RP1: variants seen among roughly 807,000 people sequenced by gnomAD.
RP1 encodes oxygen-regulated protein 1.
In RP1, 16 loss-of-function variants were observed where a neutral mutation model predicts 14.8. The ratio of observed to expected loss-of-function variants is 1.08; its 90% confidence interval spans 0.73 to 1.65. The LOEUF (loss-of-function observed/expected upper bound fraction) is 1.65, where lower values mean the gene tolerates loss of function less well. Ranked by LOEUF, RP1 falls within the 40% of genes most tolerant of loss-of-function variation. The pLI, the probability that RP1 is intolerant of heterozygous loss-of-function variation, is 0.00. For missense variants in RP1, 2,631 were observed against 2,535.0 expected, an observed-to-expected ratio of 1.04 and a Z score of -0.81; for synonymous variants, 876 against 883.6, an observed-to-expected ratio of 0.99 and a Z score of 0.15.
chr8:54,679,629 T>A lies in RP1; in HGVS notation c.1587+2T>A, dbSNP rs1300923246. Reference sequence around the variant, plus strand: ...TTGGAACTTAAGAGAAAAGAAACAGTAAGATTTTGTTTGGGCTTTAGATTA... The same window carrying A: ...TTGGAACTTAAGAGAAAAGAAACAGAAAGATTTTGTTTGGGCTTTAGATTA... On this transcript the variant is annotated splice_donor_variant, in intron 11 of 22. Transcript: ENST00000636932. LOFTEE classifies it high-confidence loss of function. 6.5e-7 allele frequency: 1 copy of A among 1,535,848 alleles called. No homozygotes were observed. Among genetic ancestry groups the A allele is most frequent in the East Asian group, 2.4e-5 (1 of 40,894 alleles).
intron 1 of RP1, among the ~76,000 whole-genome samples, chr8:54,618,404 C>G (rs1200574085): frequency 6.6e-6 from 1 of 152,140 alleles, no homozygotes; most frequent in Non-Finnish European, 1.5e-5. Flanking sequence ...AAATTCTTAG[C>G]ATATTGGCTC....
chr8:54,601,008 G>A (rs1309872177), intron 1 of RP1, among the ~76,000 whole-genome samples: 1 of 152,124 alleles, frequency 6.6e-6, no homozygotes, highest in East Asian at 1.9e-4. Context: ...GGGGTTTTCG[G>A]TTGTACTTAG....
chr8:54,824,958 T>A (rs796629314), intron 24 of RP1, among the ~76,000 whole-genome samples: 3 of 72,378 alleles, frequency 4.1e-5, no homozygotes, highest in Admixed American at 1.2e-4. Context: ...TTCTTTTTCT[T>A]TCTTTTTTTT....
chr8:54,796,428 A>T (rs1810578445), intron 24 of RP1, among the ~76,000 whole-genome samples: 2 of 152,200 alleles, frequency 1.3e-5, no homozygotes, highest in African/African-American at 4.8e-5. Flanking sequence ...ATATGTTGAA[A>T]TCCTTGATAC....
At chr8:54,752,042 T>C (rs1320192121) in intron 19 of RP1, among the ~76,000 whole-genome samples, 3 of 152,198 alleles carry the variant, frequency 2.0e-5, no homozygotes, top group African/African-American at 7.2e-5. Flanking sequence ...GAAGAACCTG[T>C]TGAAGTTTTA....
At chr8:54,648,936 C>G (rs1806602086) in intron 3 of RP1, 1 of 1,366,190 alleles carries the variant, frequency 7.3e-7, no homozygotes, top group African/African-American at 1.5e-5. Context: ...TCTGAGTCTT[C>G]CATTTCTATC....
At chr8:54,594,898 A>G (rs945159626) in intron 1 of RP1, among the ~76,000 whole-genome samples, 3 of 152,178 alleles carry the variant, frequency 2.0e-5, no homozygotes, top group Non-Finnish European at 2.9e-5. Flanking sequence ...AGAATTTGTG[A>G]TGATAGCATA....
chr8:54,570,144 A>T (rs1189368946), intron 1 of RP1, among the ~76,000 whole-genome samples: 1 of 152,002 alleles, frequency 6.6e-6, no homozygotes, highest in African/African-American at 2.4e-5. Flanking sequence ...CTGCAGCCCG[A>T]TGTTGCAGCC....
intron 1 of RP1, among the ~76,000 whole-genome samples, chr8:54,610,345 G>T (rs1805562518): frequency 6.6e-6 from 1 of 152,128 alleles, no homozygotes; most frequent in African/African-American, 2.4e-5. Flanking sequence ...TATCTTTGCA[G>T]TGCTTTGGGA....
intron 27 of RP1, among the ~76,000 whole-genome samples, chr8:54,862,333 A>T (rs528261595): frequency 6.6e-6 from 1 of 152,232 alleles, no homozygotes; most frequent in East Asian, 1.9e-4. Flanking sequence ...GGTACACTTA[A>T]TTTTTGCCTT....
chr8:54,792,303 C>A (rs1479055077), intron 24 of RP1, among the ~76,000 whole-genome samples: 2 of 151,832 alleles, frequency 1.3e-5, no homozygotes, highest in Admixed American at 1.3e-4. Context: ...ACGGATAGAT[C>A]ATCCAGATAG....
At chr8:54,679,750 T>C in intron 11 of RP1, 1 of 1,527,540 alleles carries the variant, frequency 6.5e-7, no homozygotes, top group African/African-American at 1.4e-5. Context: ...TTTCTTCTCT[T>C]TGTTTCTTCT....
At chr8:54,673,126 A>T (rs1807214639) in intron 7 of RP1, among the ~76,000 whole-genome samples, 1 of 152,208 alleles carries the variant, frequency 6.6e-6, no homozygotes, top group South Asian at 2.1e-4. Flanking sequence ...TATGTGTCAG[A>T]GGAGCTGAGC....
chr8:54,754,736 T>C, intron 19 of RP1: 1 of 1,429,106 alleles, frequency 7.0e-7, no homozygotes, highest in Non-Finnish European at 9.2e-7. Flanking sequence ...TGGGATGCAT[T>C]GTGAATTCCA....
intron 19 of RP1, among the ~76,000 whole-genome samples, chr8:54,739,570 G>A (rs1488831231): frequency 6.6e-6 from 1 of 152,006 alleles, no homozygotes; most frequent in Non-Finnish European, 1.5e-5. Context: ...ATACGGTGAA[G>A]TGTAAGAACA....
chr8:54,662,292 T>A (rs1283308515), intron 6 of RP1, among the ~76,000 whole-genome samples: 1 of 152,196 alleles, frequency 6.6e-6, no homozygotes, highest in Non-Finnish European at 1.5e-5. Flanking sequence ...AGGTTATAAA[T>A]CCTAACCTGT....
chr8:54,783,566 C>G (rs1810241494), exon 24 of RP1: 1 of 1,231,302 alleles, frequency 8.1e-7, no homozygotes, highest in Non-Finnish European at 1.0e-6. Context: ...GGAAGGTGAC[C>G]ATTGTCACTG....
At chr8:54,766,954 T>C (rs1809775279) in intron 22 of RP1, among the ~76,000 whole-genome samples, 1 of 152,188 alleles carries the variant, frequency 6.6e-6, no homozygotes, top group Admixed American at 6.5e-5. Context: ...GCCACACTGC[T>C]CCAATTCTCC....
chr8:54,668,129 G>T (rs1470153424), intron 7 of RP1, among the ~76,000 whole-genome samples: 2 of 152,250 alleles, frequency 1.3e-5, no homozygotes, highest in Admixed American at 1.3e-4. Context: ...ACATCAAAAA[G>T]CTTATCCATT....
Sources: allele counts gnomAD v4.1 joint callset (sites outside exome capture counted in the v4.1 genomes callset), GRCh38; gene constraint gnomAD v4.1.1; transcripts MANE v1.5; gene names NCBI Gene and HGNC (gene_info 2026-07-23, HGNC 2026-07-21).